MYO10: variants seen among roughly 807,000 people sequenced by gnomAD.
MYO10 encodes the protein myosin X.
A neutral mutation model predicts 257.3 loss-of-function variants in MYO10; 133 were observed. The observed-to-expected ratio is 0.52, with a 90% CI of 0.45 to 0.60. The LOEUF (loss-of-function observed/expected upper bound fraction) is 0.60. MYO10 is among the 20% of genes least tolerant of loss of function. The pLI is 0.00. For missense variants in MYO10, 2,399 were observed against 2,635.7 expected (o/e 0.91, Z 1.97); for synonymous variants, 1,104 against 1,028.6 (o/e 1.07, Z -1.40).
chr5:16,778,670 A>T (rs10780098), intron 9 of MYO10, among the ~76,000 whole-genome samples: 1 of 147,338 alleles, frequency 6.8e-6, no homozygotes, highest in Non-Finnish European at 1.5e-5. Context: ...TAGCAGGAAC[A>T]CCTCTCGCTT....
rs1017494562 is a variant in MYO10, at chr5:16,935,901, G to A, written c.-93C>T. The A allele has an allele frequency of 5.6e-5, 85 of 1,517,236 alleles. No individual in the cohort carries two copies. Among genetic ancestry groups the A allele is most frequent in the Non-Finnish European group, 5.7e-5 (64 of 1,114,908 alleles). 94.0% of individuals were successfully genotyped at this position (1,517,236 alleles called of 1,614,324 possible). On this transcript the variant is annotated 5_prime_UTR_variant, in exon 1 of 41. Coordinates refer to ENST00000513610, the MANE Select transcript of MYO10 (RefSeq NM_012334.3). ...CCGGGGAAACCATGCGTGTCACGGCGCCACTCCCGAGGACGCGCGCCCGCG... is the reference window on the plus strand; with the variant it reads ...CCGGGGAAACCATGCGTGTCACGGCACCACTCCCGAGGACGCGCGCCCGCG...
chr5:16,884,020 C>A (rs181316923), intron 1 of MYO10, among the ~76,000 whole-genome samples: 1 of 152,166 alleles, frequency 6.6e-6, no homozygotes, highest in Non-Finnish European at 1.5e-5. Context: ...TGTTAAGTAC[C>A]TCAGTTCAGG....
At chr5:16,796,017 G>T (rs547406415) in intron 3 of MYO10, among the ~76,000 whole-genome samples, 1 of 151,528 alleles carries the variant, frequency 6.6e-6, no homozygotes, top group African/African-American at 2.4e-5. Context: ...GTGAAACCCC[G>T]TCTCTACTAA....
At position 16,780,571 on chromosome 5, in the gene MYO10, T is replaced by A; in HGVS notation, c.779A>T (p.Tyr260Phe). ...VVRQNPGERNYHIFYALLAGL... is the reference protein window; with the variant it reads ...VVRQNPGERNFHIFYALLAGL... Reference sequence around the variant, plus strand: ...TGCCAGCAGTGCATAAAATATGTGATAATTCCTTTCCCCGGGATTTTGCCT... The same window carrying A: ...TGCCAGCAGTGCATAAAATATGTGAAAATTCCTTTCCCCGGGATTTTGCCT... The change falls in exon 8 of 41, where the codon TAT becomes TTT. Residue 260 changes from tyrosine to phenylalanine, a missense_variant. This residue lies in a region of MYO10 where 337 missense variants were observed against 446.8 expected (regional missense o/e 0.75). Transcript: ENST00000513610. The A allele has an allele frequency of 6.3e-7, 1 of 1,583,874 alleles. No homozygotes were observed. Among genetic ancestry groups the A allele is most frequent in the Non-Finnish European group, 8.6e-7 (1 of 1,163,250 alleles).
Position 16,711,004 on chromosome 5 carries a change from C to G in MYO10, c.2073G>C (p.Arg691Ser). The change falls in exon 21 of 41, where the codon AGG becomes AGC. Residue 691 changes from arginine (R) to serine (S), a missense_variant. Arg to Ser is a moderately radical substitution (Grantham distance 110, BLOSUM62 -1). Around this residue, in one of 3 missense-constraint regions of MYO10, gnomAD observed 1,820 missense variants for 1,939.4 expected, o/e 0.94. Coordinates refer to ENST00000513610, the MANE Select transcript of MYO10 (RefSeq NM_012334.3). ...GGACGTCCTCAGGCAGAGCCAGATTCCTCATCAGCACTTTATACCTGCAAC... is the reference window on the plus strand; with the variant it reads ...GGACGTCCTCAGGCAGAGCCAGATTGCTCATCAGCACTTTATACCTGCAAC... The part of the protein sequence containing the change: ...DFYKRYKVLM[R>S]NLALPEDVRG... The G allele has an allele frequency of 6.2e-7, 1 of 1,613,996 alleles. No individual in the cohort carries two copies. The highest frequency in any genetic ancestry group is 8.5e-7 in the Non-Finnish European group (1 of 1,179,888).
At chr5:16,673,954 G>T in intron 35 of MYO10, 65 bp from the exon 36 acceptor site, 1 of 1,463,606 alleles carries the variant, frequency 6.8e-7, no homozygotes, top group African/African-American at 1.4e-5. Flanking sequence ...GAGGAACTAG[G>T]CTGTGCCAAG....
intron 26 of MYO10, among the ~76,000 whole-genome samples, chr5:16,698,448 G>A (rs1169356806): frequency 6.6e-6 from 1 of 152,076 alleles, no homozygotes; most frequent in African/African-American, 2.4e-5. Context: ...TTAAGGTTCA[G>A]CAAAGTATAC....
At chr5:16,705,092 AGAGGAAGGAAAG>A (rs1301653885) in intron 21 of MYO10, among the ~76,000 whole-genome samples, 1 of 152,230 alleles carries the variant, frequency 6.6e-6, no homozygotes, top group African/African-American at 2.4e-5. Context: ...TACAGAAAGC[AGAGGAAGGAAAG>A]GAGGAAGGAA....
At chr5:16,858,684 G>T (rs1350103533) in intron 2 of MYO10, among the ~76,000 whole-genome samples, 1 of 152,200 alleles carries the variant, frequency 6.6e-6, no homozygotes, top group South Asian at 2.1e-4. Context: ...ACAGGGCCGG[G>T]TGCAGTGGCT....
At chr5:16,845,496 C>T (rs1324490455) in intron 2 of MYO10, among the ~76,000 whole-genome samples, 3 of 151,962 alleles carry the variant, frequency 2.0e-5, no homozygotes, top group South Asian at 2.1e-4. Flanking sequence ...GCGAGACTCA[C>T]GCCTCTTAAA....
chr5:16,876,186 T>C (rs1744598512), intron 2 of MYO10, among the ~76,000 whole-genome samples: 1 of 152,230 alleles, frequency 6.6e-6, no homozygotes, highest in Non-Finnish European at 1.5e-5. Context: ...CTATCTTTTA[T>C]TTCCTTAAGT....
In MYO10 at chr5:16,787,609, TAAAAAAAAAAA is replaced by T. The variant is rs70940401; in HGVS notation, c.468-4151_468-4141del. Among the ~76,000 whole-genome samples, 66 of 124,972 alleles carry T rather than the reference TAAAAAAAAAAA, an allele frequency of 5.3e-4. 1 individual carries two copies. The highest frequency in any genetic ancestry group is 3.2e-3 in the Admixed American group (38 of 11,782). The allele number at this position is 124,972 out of a possible 152,430, so 82.0% of individuals were successfully genotyped here. ...GAGCTTATATTGTTTTGTTTTGCTT[TAAAAAAAAAAA>T]AAAAAAAAAAAAAACTTTCTAACTA... On this transcript the variant is annotated intron_variant, in intron 4 of 40. Coordinates refer to ENST00000513610, the MANE Select transcript of MYO10 (RefSeq NM_012334.3).
intron 1 of MYO10, among the ~76,000 whole-genome samples, chr5:16,883,020 A>G (rs925053911): frequency 4.0e-5 from 6 of 151,610 alleles, no homozygotes; most frequent in African/African-American, 1.5e-4. Flanking sequence ...GGTTCACGCC[A>G]TTCTCCTGCC....
At chr5:16,680,131 C>T (rs140674102) in intron 32 of MYO10, 27 bp from the exon 33 acceptor site, 327 of 1,593,808 alleles carry the variant, frequency 2.1e-4, no homozygotes, top group Middle Eastern at 1.4e-3. Context: ...GCCCAGCACA[C>T]GCACGTCAAC....
intron 22 of MYO10, among the ~76,000 whole-genome samples, chr5:16,704,007 G>A (rs775155368): frequency 1.3e-5 from 2 of 151,630 alleles, no homozygotes; most frequent in African/African-American, 2.4e-5. Flanking sequence ...AAGACCTGAC[G>A]CAGAGGAAGT....
At chr5:16,718,393 C>T (rs1046629935) in intron 19 of MYO10, among the ~76,000 whole-genome samples, 1 of 152,256 alleles carries the variant, frequency 6.6e-6, no homozygotes, top group Non-Finnish European at 1.5e-5. Context: ...GCGGGATCCA[C>T]TAGGTGAAGC....
chr5:16,830,658 C>T lies in MYO10; in HGVS notation c.121-12491G>A, dbSNP rs1743135720. ...TACTATGCATATATGTAGTATAATC[C>T]TAACGTTATTTTTTTAATAGGCACA... is the stretch of plus-strand genomic sequence containing the variant. On this transcript the variant is annotated intron_variant, in intron 2 of 40. Transcript: ENST00000513610. Among the ~76,000 whole-genome samples the T allele has an allele frequency of 3.6e-5, 3 of 82,248 alleles. No homozygotes were observed. In the Admixed American group the frequency reaches 4.5e-4, roughly 12 times the overall value. 54.0% of individuals were successfully genotyped at this position (82,248 alleles called of 152,430 possible). A position where few individuals can be genotyped will look rare whatever the true frequency, so the allele number is the denominator to read the frequency against.
chr5:16,686,735 C>T (rs1369656976), intron 28 of MYO10, among the ~76,000 whole-genome samples: 1 of 152,040 alleles, frequency 6.6e-6, no homozygotes, highest in African/African-American at 2.4e-5. Flanking sequence ...CTATGTTGGC[C>T]AGGCTGGTCT....
intron 2 of MYO10, among the ~76,000 whole-genome samples, chr5:16,875,003 G>C (rs896303014): frequency 1.3e-5 from 2 of 152,230 alleles, no homozygotes; most frequent in Admixed American, 6.5e-5. Flanking sequence ...GGAAACCCCT[G>C]ATAAACCCAT....
Sources: allele counts gnomAD v4.1 joint callset (sites outside exome capture counted in the v4.1 genomes callset), GRCh38; gene constraint gnomAD v4.1.1; regional missense constraint gnomAD v4.1.1; transcripts MANE v1.5; gene names NCBI Gene and HGNC (gene_info 2026-07-23, HGNC 2026-07-21).